Variants in ATP13A4 observed in about 807,000 individuals in gnomAD.
ATP13A4 encodes the protein ATPase 13A4.
Under a neutral mutation model 142.5 loss-of-function variants are expected in ATP13A4, and 114 were observed. The observed-to-expected ratio is 0.80, with a 90% CI of 0.69 to 0.93. ATP13A4 has a LOEUF of 0.93. Among genes scored for constraint, ATP13A4 ranks in the 40% least tolerant of loss-of-function variants. ATP13A4 has a pLI of 0.00. For synonymous variants in ATP13A4, 488 were observed against 514.8 expected (o/e 0.95, Z 0.70); for missense variants, 1,392 against 1,454.0 (o/e 0.96, Z 0.69).
intron 25 of ATP13A4, among the ~76,000 whole-genome samples, chr3:193,432,854 G>T (rs918532715): frequency 2.6e-5 from 4 of 152,088 alleles, no homozygotes; most frequent in African/African-American, 9.7e-5. Flanking sequence ...AGGATTTTTA[G>T]GGCAGTGAAA....
intron 2 of ATP13A4, among the ~76,000 whole-genome samples, chr3:193,511,098 A>T (rs1264868176): frequency 6.6e-6 from 1 of 152,218 alleles, no homozygotes; most frequent in Non-Finnish European, 1.5e-5. Context: ...ATTTATTTGG[A>T]GAGTCTCTGG....
At chr3:193,580,699 A>G (rs1303198327) in intron 2 of ATP13A4, among the ~76,000 whole-genome samples, 1 of 152,182 alleles carries the variant, frequency 6.6e-6, no homozygotes, top group Non-Finnish European at 1.5e-5. Flanking sequence ...GGAGCAAAAA[A>G]TACCTGCGAG....
chr3:193,521,820 C>T (rs149726736), intron 1 of ATP13A4, among the ~76,000 whole-genome samples: 130 of 152,240 alleles, frequency 8.5e-4, no homozygotes, highest in African/African-American at 3.0e-3. Context: ...GTAATCCCAG[C>T]CACTTGGGAG....
chr3:193,491,745 T>C lies in ATP13A4; in HGVS notation c.534-347A>G, dbSNP rs546415061. ...CTGTCTCTCCTCAATTCCGGTTTTA[T>C]TACTGTAAGACAGTGAGGTAGTTAA... On this transcript the variant is annotated intron_variant, in intron 5 of 29. Transcript: ENST00000342695. Among the ~76,000 whole-genome samples the C allele has an allele frequency of 1.1e-3, 172 of 152,330 alleles. 1 individual carries two copies. The highest frequency in any genetic ancestry group is 2.1e-3 in the Non-Finnish European group (141 of 68,036).
chr3:193,573,260 C>CATATATATATATATATATAT (rs373692119), intron 2 of ATP13A4, among the ~76,000 whole-genome samples: 7 of 79,018 alleles, frequency 8.9e-5, no homozygotes, highest in African/African-American at 3.6e-4. Context: ...ATACCACAGC[C>CATATATATATATATATATAT]ATATATATAT....
At position 193,400,962 on chromosome 3, in the gene ATP13A4, T is replaced by A. The variant is rs755983459; in HGVS notation, c.*1690A>T. ...TTTCTTTCTGTACCAAAAAAGACAG[T>A]GATTCTGCAGTCTTGAAACACTAAA... On this transcript the variant is annotated 3_prime_UTR_variant, in exon 30 of 30. Coordinates refer to ENST00000342695, the MANE Select transcript of ATP13A4 (RefSeq NM_032279.4). Among the ~76,000 whole-genome samples the A allele has an allele frequency of 2.6e-5, 4 of 152,198 alleles. No homozygotes were observed. Among genetic ancestry groups the A allele is most frequent in the Non-Finnish European group, 5.9e-5 (4 of 68,038 alleles).
At chr3:193,439,144 A>G (rs1716475095) in intron 21 of ATP13A4, 79 bp from the exon 22 acceptor site, 2 of 1,392,590 alleles carry the variant, frequency 1.4e-6, no homozygotes, top group Non-Finnish European at 2.0e-6. Context: ...CAAAGTAACC[A>G]TCATTACTTA....
At chr3:193,433,806 G>C (rs1203021031) in intron 25 of ATP13A4, 39 bp downstream of exon 25, 1 of 1,485,054 alleles carries the variant, frequency 6.7e-7, no homozygotes, top group Admixed American at 1.7e-5. Context: ...GGGCAGCTGA[G>C]GGTAGCACCT....
intron 1 of ATP13A4, among the ~76,000 whole-genome samples, chr3:193,528,853 A>G (rs561384571): frequency 5.3e-4 from 56 of 105,278 alleles, no homozygotes; most frequent in African/African-American, 2.1e-3. Context: ...TTATTTTACA[A>G]TCTGCTTTTT....
At chr3:193,426,786 C>T (rs1715689318) in intron 25 of ATP13A4, among the ~76,000 whole-genome samples, 1 of 151,864 alleles carries the variant, frequency 6.6e-6, no homozygotes, top group African/African-American at 2.4e-5. Flanking sequence ...ACCAGATTTC[C>T]ACACACAAAG....
At chr3:193,514,542 T>C (rs1721304379) in intron 2 of ATP13A4, among the ~76,000 whole-genome samples, 156 bp downstream of exon 2, 1 of 151,066 alleles carries the variant, frequency 6.6e-6, no homozygotes, top group Non-Finnish European at 1.5e-5. Flanking sequence ...ATTAGTGAAA[T>C]CCTGCTAGAT....
At chr3:193,446,617 A>G (rs1366408581) in intron 18 of ATP13A4, among the ~76,000 whole-genome samples, 1 of 152,236 alleles carries the variant, frequency 6.6e-6, no homozygotes, top group Admixed American at 6.5e-5. Context: ...ACTTTTCATA[A>G]TCTGTTTTAT....
chr3:193,464,396 A>G lies in ATP13A4; in HGVS notation c.1461+544T>C, dbSNP rs1718141277. On this transcript the variant is annotated intron_variant, in intron 12 of 29. Transcript: ENST00000342695. The stretch of plus-strand genomic sequence containing the variant: ...TAAATAAATACAATAAAAAGACGGT[A>G]GAATACGAGGCTGGTTGGGAATAAC... Among the ~76,000 whole-genome samples the G allele has an allele frequency of 1.3e-5, 2 of 152,230 alleles. 1 individual carries two copies. The highest frequency in any genetic ancestry group is 4.1e-4 in the South Asian group (2 of 4,830).
At chr3:193,450,202 C>T (rs1042009509) in intron 17 of ATP13A4, among the ~76,000 whole-genome samples, 1 of 152,066 alleles carries the variant, frequency 6.6e-6, no homozygotes, top group African/African-American at 2.4e-5. Flanking sequence ...ATTTTATTTG[C>T]CCATGTTTTA....
rs377336422 is a variant in ATP13A4 at position 193,554,773 on chromosome 3, G to A, written c.27C>T (p.His9=). Residue 9 remains histidine (H), a synonymous_variant, in exon 1 of 30, where the codon CAC becomes CAT. Coordinates refer to ENST00000342695, the MANE Select transcript of ATP13A4 (RefSeq NM_032279.4). ...TCTCTTCTCCTTCATTGAGCAGAGC[G>A]TGCTGGCCCTTCTCAAAGTGTCCCA... The part of the protein sequence containing the change: MGHFEKGQ[H]ALLNEGEENE... 71 of 1,613,798 alleles carry A rather than the reference G, an allele frequency of 4.4e-5. No individual in the cohort carries two copies. In the Admixed American group the frequency reaches 6.2e-4, roughly 14 times the overall value.
intron 12 of ATP13A4, among the ~76,000 whole-genome samples, chr3:193,463,093 T>A (rs1361228085): frequency 2.6e-5 from 4 of 152,124 alleles, no homozygotes; most frequent in African/African-American, 4.8e-5. Flanking sequence ...AGATCAGCAC[T>A]TCAAGGAGGG....
At chr3:193,418,021 C>T (rs1375444828) in intron 25 of ATP13A4, among the ~76,000 whole-genome samples, 1 of 141,304 alleles carries the variant, frequency 7.1e-6, no homozygotes, top group Non-Finnish European at 1.5e-5. Flanking sequence ...ACTTGGGAGG[C>T]TGAGGCAGGA....
intron 26 of ATP13A4, among the ~76,000 whole-genome samples, chr3:193,412,820 G>A (rs1442639485): frequency 1.3e-5 from 2 of 152,108 alleles, no homozygotes; most frequent in Non-Finnish European, 2.9e-5. Flanking sequence ...CCAGAAGTTT[G>A]AGACCAGCCT....
chr3:193,491,449 T>G, intron 5 of ATP13A4, 51 bp from the exon 6 acceptor site: 1 of 1,305,000 alleles, frequency 7.7e-7, no homozygotes, highest in Non-Finnish European at 1.1e-6. Context: ...AAATTAAAAC[T>G]GACTCCTCAC....
Sources: allele counts gnomAD v4.1 joint callset (sites outside exome capture counted in the v4.1 genomes callset), GRCh38; gene constraint gnomAD v4.1.1; transcripts MANE v1.5; gene names NCBI Gene and HGNC (gene_info 2026-07-23, HGNC 2026-07-21).